The following PERM1 variants were observed in gnomAD, a reference collection of about 807,000 sequenced individuals.
The protein encoded by PERM1 is PGC-1 and ERR-induced regulator in muscle protein 1.
Under a neutral mutation model 44.1 loss-of-function variants are expected in PERM1, and 45 were observed. The ratio of observed to expected loss-of-function variants is 1.02; its 90% CI spans 0.80 to 1.31. The LOEUF (loss-of-function observed/expected upper bound fraction) is 1.31, where lower values mean the gene tolerates loss of function less well. Among genes scored for constraint, PERM1 ranks in the 50% most tolerant of loss-of-function variants. The pLI is 0.00. For missense variants in PERM1, 1,189 were observed against 1,106.9 expected (o/e 1.07, Z -1.05); for synonymous variants, 565 against 477.1 (o/e 1.18, Z -2.40).
chr1:982,018 C>T (rs1371167064), upstream of PERM1: 7 of 1,283,542 alleles, frequency 5.5e-6, no homozygotes, highest in Non-Finnish European at 7.1e-6. Flanking sequence ...GGGGTTGTTA[C>T]CATTGGGGCC....
exon 1 of PERM1, chr1:979,776 G>A (rs1476587684): frequency 6.5e-7 from 1 of 1,550,362 alleles, no homozygotes. Context: ...TAGCCACTGG[G>A]CCTGCTGTAG....
exon 1 of PERM1, chr1:979,262 CACAGAA>C: frequency 6.5e-7 from 1 of 1,549,852 alleles, no homozygotes; most frequent in Admixed American, 2.0e-5. Context: ...TCGATGGTGT[CACAGAA>C]GAAGAACTCG....
At chr1:979,109 C>T (rs1296918344) in exon 1 of PERM1, 1 of 1,549,630 alleles carries the variant, frequency 6.5e-7, no homozygotes, top group African/African-American at 1.4e-5. Context: ...GGCACAGGAT[C>T]AGCTCTCGGG....
intron 1 of PERM1, 62 bp from the exon 3 acceptor site, chr1:976,686 GCCC>G (rs1643622718): frequency 1.3e-6 from 2 of 1,511,254 alleles, no homozygotes; most frequent in African/African-American, 3.0e-5. Context: ...GCACACGCCC[GCCC>G]CGGGAACCGC....
exon 3 of PERM1, chr1:976,028 A>C: frequency 2.6e-6 from 2 of 779,552 alleles, no homozygotes; most frequent in Non-Finnish European, 3.9e-6. Context: ...GGTGAGTCGG[A>C]GGGAGCAGCA....
exon 1 of PERM1, chr1:979,510 G>T (rs1177273602): frequency 1.3e-6 from 2 of 1,549,940 alleles, no homozygotes; most frequent in East Asian, 2.4e-5. Flanking sequence ...CCCAGCCACG[G>T]AGAAGCGCAC....
At chr1:978,408 C>T (rs189238260) in intron 1 of PERM1, among the ~76,000 whole-genome samples, 42 of 152,308 alleles carry the variant, frequency 2.8e-4, no homozygotes, top group African/African-American at 1.0e-3. Context: ...CCGCCCTGGA[C>T]GCGTCTGTCG....
At chr1:975,265 CCA>C (rs1401858834) in exon 3 of PERM1, 1 of 152,478 alleles carries the variant, frequency 6.6e-6, no homozygotes, top group East Asian at 1.9e-4. Flanking sequence ...CCAGGGTCTC[CCA>C]CAGTCTTGAG....
chr1:978,917 C>A, exon 1 of PERM1: 1 of 1,505,578 alleles, frequency 6.6e-7, no homozygotes, highest in South Asian at 1.3e-5. Context: ...CGCTCTACCA[C>A]GGCTGGCTTG....
chr1:980,478 C>T, exon 1 of PERM1: 1 of 1,516,106 alleles, frequency 6.6e-7, no homozygotes, highest in South Asian at 1.3e-5. Context: ...CAGCTCGCCT[C>T]TTCTTTCGGC....
chr1:979,771 ACTGGGCCTGC>A lies in PERM1; in HGVS notation c.1249_1258del (p.Ala417TrpfsTer4). On this transcript the variant is annotated frameshift_variant, in exon 1 of 3. Transcript: ENST00000433179. LOFTEE classifies it high-confidence loss of function. ...AGATGAAGCCACCTCTAGCTTAGCC[ACTGGGCCTGC>A]TGTAGGCAAGGCCACATCCAGGCCA... The A allele has an allele frequency of 6.5e-7, 1 of 1,550,344 alleles. No individual in the cohort carries two copies. Among genetic ancestry groups the A allele is most frequent in the East Asian group, 2.4e-5 (1 of 40,918 alleles).
exon 1 of PERM1, chr1:980,595 A>C: frequency 6.9e-7 from 1 of 1,451,714 alleles, no homozygotes; most frequent in Non-Finnish European, 9.1e-7. Flanking sequence ...GCCGTGGGGC[A>C]GGGCCCTGCA....
At position 978,598 on chromosome 1, in the gene PERM1, C is replaced by T. The variant is rs537249558; in HGVS notation, c.2149+283G>A. Among the ~76,000 whole-genome samples the T allele has an allele frequency of 4.3e-4, 66 of 152,326 alleles. 1 individual carries two copies. Among genetic ancestry groups the T allele is most frequent in the African/African-American group, 1.5e-3 (64 of 41,580 alleles). ...GACCCTGAAGGTAGCCAGGCCTGGG[C>T]GGGAACCCTGCCAGAGGCTGGGGGA... On this transcript the variant is annotated intron_variant, in intron 1 of 2. Coordinates refer to ENST00000433179, the Ensembl canonical transcript of PERM1.
chr1:979,277 C>T (rs747649039), exon 1 of PERM1: 45 of 1,549,250 alleles, frequency 2.9e-5, no homozygotes, highest in South Asian at 3.6e-5. Context: ...AAGAAGAACT[C>T]GTAGGCCTCC....
chr1:979,168 G>A, exon 1 of PERM1: 7 of 1,550,130 alleles, frequency 4.5e-6, no homozygotes, highest in Non-Finnish European at 5.2e-6. Flanking sequence ...TCCAACGTCT[G>A]GGAAGAAGAA....
chr1:981,276 T>G, upstream of PERM1: 2 of 1,195,168 alleles, frequency 1.7e-6, no homozygotes, highest in Non-Finnish European at 2.3e-6. Context: ...ATGACCCTAG[T>G]TCCCAACGCA....
chr1:976,169 C>A, exon 3 of PERM1: 1 of 1,546,298 alleles, frequency 6.5e-7, no homozygotes, highest in South Asian at 1.2e-5. Flanking sequence ...CCGGGCCTGG[C>A]TCCTAGGAGC....
chr1:976,325 C>T (rs1346809539), intron 2 of PERM1, 56 bp from the exon 4 acceptor site: 2 of 1,466,002 alleles, frequency 1.4e-6, no homozygotes, highest in East Asian at 2.5e-5. Flanking sequence ...GCACCGTCTG[C>T]CCGCAAGACC....
chr1:976,248 G>T (rs765766597), exon 3 of PERM1: 4 of 1,530,618 alleles, frequency 2.6e-6, no homozygotes, highest in Non-Finnish European at 3.5e-6. Context: ...GGCAGAGATG[G>T]TGCCGACGTT....
Sources: gnomAD v4.1 joint callset for allele counts (sites outside exome capture counted in the v4.1 genomes callset) on GRCh38, gnomAD v4.1.1 for gene constraint, MANE v1.5 for transcripts, NCBI Gene and HGNC (gene_info 2026-07-23, HGNC 2026-07-21) for gene names.